Variants in WDR49 observed in about 807,000 individuals in gnomAD.
WDR49 encodes the protein cilia- and flagella-associated protein 337.
A neutral mutation model predicts 119.5 loss-of-function variants in WDR49; 107 were observed. The ratio of observed to expected loss-of-function variants is 0.90; its 90% CI spans 0.77 to 1.05. WDR49 has a LOEUF of 1.05. WDR49 is among the 50% of genes least tolerant of loss of function. The probability of loss-of-function intolerance (pLI) is 0.00; values close to 1 mark genes in which losing one functional copy is unlikely to be tolerated. For synonymous variants in WDR49, 425 were observed against 418.8 expected (o/e 1.01, Z -0.18); for missense variants, 1,240 against 1,220.5 (o/e 1.02, Z -0.24).
chr3:167,656,408 A>G (rs1345230124), upstream of WDR49, among the ~76,000 whole-genome samples: 3 of 152,240 alleles, frequency 2.0e-5, no homozygotes, highest in African/African-American at 4.8e-5. Context: ...TTAGTTCAGT[A>G]GCAGACACTA....
At chr3:167,504,154 C>A (rs1335994281) in intron 17 of WDR49, among the ~76,000 whole-genome samples, 2 of 152,100 alleles carry the variant, frequency 1.3e-5, no homozygotes, top group Non-Finnish European at 2.9e-5. Flanking sequence ...TGGGGCACTG[C>A]CTAGTGGAGC....
chr3:167,596,979 A>T (rs889586463), intron 7 of WDR49, among the ~76,000 whole-genome samples: 2 of 151,120 alleles, frequency 1.3e-5, no homozygotes, highest in African/African-American at 4.8e-5. Context: ...AGAAAAACCC[A>T]TTTTTTAGGG....
rs147706386 is a variant in WDR49 at position 167,505,139 on chromosome 3, T to G, written c.2884+168A>C. On this transcript the variant is annotated intron_variant, in intron 17 of 18. Coordinates refer to ENST00000682715, the MANE Select transcript of WDR49 (RefSeq NM_001366157.1). ...TCTGTGGAGCCTTGGACAGGTGACT[T>G]AATGTCCTGTACCTCACTTTTCTCC... Among the ~76,000 whole-genome samples the G allele has an allele frequency of 8.5e-4, 130 of 152,354 alleles. 1 individual carries two copies. The highest frequency in any genetic ancestry group is 3.0e-3 in the African/African-American group (125 of 41,580).
At chr3:167,539,358 A>G (rs918179313) in intron 10 of WDR49, among the ~76,000 whole-genome samples, 1 of 151,926 alleles carries the variant, frequency 6.6e-6, no homozygotes, top group African/African-American at 2.4e-5. Context: ...GTTTTCATTC[A>G]TGGTATACTT....
chr3:167,599,451 C>T lies in WDR49; in HGVS notation c.1275+2676G>A, dbSNP rs577882866. ...CTCTTCAGTCAGCTTGTGGTGAAGT[C>T]GGCCAAGCCTGAGACTCACCCTTCA... On this transcript the variant is annotated intron_variant, in intron 7 of 18. Transcript: ENST00000682715. Among the ~76,000 whole-genome samples the T allele has an allele frequency of 5.3e-4, 80 of 152,216 alleles. 1 individual carries two copies. Among genetic ancestry groups the T allele is most frequent in the African/African-American group, 1.9e-3 (78 of 41,532 alleles).
At chr3:167,604,118 A>C (rs1243958924) in intron 6 of WDR49, among the ~76,000 whole-genome samples, 183 bp downstream of exon 6, 2 of 152,160 alleles carry the variant, frequency 1.3e-5, no homozygotes, top group Non-Finnish European at 2.9e-5. Flanking sequence ...ACCTCAATGT[A>C]GTTCATACAC....
intron 7 of WDR49, among the ~76,000 whole-genome samples, chr3:167,600,321 G>A (rs1350136810): frequency 3.3e-5 from 5 of 152,096 alleles, no homozygotes; most frequent in South Asian, 4.2e-4. Context: ...CAGGCACTAC[G>A]ACTCACCTAG....
At chr3:167,607,274 C>T (rs1654042941) in intron 5 of WDR49, among the ~76,000 whole-genome samples, 1 of 152,134 alleles carries the variant, frequency 6.6e-6, no homozygotes, top group Admixed American at 6.5e-5. Flanking sequence ...AAAGAATAAG[C>T]AGGAGAGACA....
intron 10 of WDR49, among the ~76,000 whole-genome samples, chr3:167,538,992 A>G (rs1405862743): frequency 6.6e-6 from 1 of 152,104 alleles, no homozygotes; most frequent in Non-Finnish European, 1.5e-5. Flanking sequence ...TTTCAGAATT[A>G]TTTCCCTCTA....
intron 5 of WDR49, among the ~76,000 whole-genome samples, chr3:167,609,851 G>T (rs1420914813): frequency 1.3e-5 from 2 of 152,156 alleles, no homozygotes; most frequent in African/African-American, 4.8e-5. Flanking sequence ...TAGGATACCA[G>T]CTCAGCCACA....
intron 12 of WDR49, among the ~76,000 whole-genome samples, chr3:167,531,679 A>G (rs1013521912): frequency 2.0e-5 from 3 of 152,136 alleles, no homozygotes; most frequent in African/African-American, 7.2e-5. Context: ...AAGACTATTT[A>G]TGTTTAATTA....
At chr3:167,480,236 G>A (rs1329608924) in intron 18 of WDR49, among the ~76,000 whole-genome samples, 2 of 107,796 alleles carry the variant, frequency 1.9e-5, no homozygotes, top group Admixed American at 1.2e-4. Context: ...GCAACAGAGA[G>A]AGACTCTGTC....
At chr3:167,499,210 G>A (rs1751469267) in intron 18 of WDR49, among the ~76,000 whole-genome samples, 1 of 152,168 alleles carries the variant, frequency 6.6e-6, no homozygotes, top group African/African-American at 2.4e-5. Flanking sequence ...ATGTTGACCA[G>A]CTGTTCTCCC....
At chr3:167,532,855 T>C (rs1232321546) in intron 12 of WDR49, 24 bp downstream of exon 12, 3 of 1,576,670 alleles carry the variant, frequency 1.9e-6, no homozygotes, top group South Asian at 1.1e-5. Flanking sequence ...AGCCATGTTA[T>C]TTTCGTTTCA....
chr3:167,604,328 C>T lies in WDR49; in HGVS notation c.1099G>A (p.Asp367Asn). 6.2e-7 allele frequency: 1 copy of T among 1,613,660 alleles called. No individual in the cohort carries two copies. Among genetic ancestry groups the T allele is most frequent in the East Asian group, 2.2e-5 (1 of 44,834 alleles). ...ATTAAATTGAGCCGAGAGTGATAAT[C>T]AAAAGCATGAATGCCCTGGGCAATG... ...FNIAQGIHAF[D>N]YHSRLNLIAT... The change falls in exon 6 of 19, where the codon GAT (aspartate) becomes AAT (asparagine). Residue 367 changes from aspartate (D) to asparagine (N), a missense_variant. Physicochemically the swap from Asp to Asn is conservative, Grantham distance 23. Transcript: ENST00000682715.
chr3:167,495,564 AG>A (rs1751322527), intron 18 of WDR49, among the ~76,000 whole-genome samples: 1 of 111,740 alleles, frequency 8.9e-6, no homozygotes, highest in African/African-American at 4.5e-5. Context: ...ATAATTAAAC[AG>A]TCTAACATAT....
rs576688977 is a variant in WDR49 at position 167,597,095 on chromosome 3, C to A, written c.1275+5032G>T. Among the ~76,000 whole-genome samples, 5 of 152,280 alleles carry A rather than the reference C, an allele frequency of 3.3e-5. No homozygotes were observed. In the South Asian group the frequency reaches 6.2e-4, roughly 19 times the overall value. On this transcript the variant is annotated intron_variant, in intron 7 of 18. Coordinates refer to ENST00000682715, the MANE Select transcript of WDR49 (RefSeq NM_001366157.1). ...TCCAGGGCATTTTGGAGATCTTCGT[C>A]ACAGGCCCAAAGGCCTAGGTGGGAA...
intron 2 of WDR49, among the ~76,000 whole-genome samples, chr3:167,652,094 T>C (rs1344619532): frequency 6.6e-6 from 1 of 152,216 alleles, no homozygotes; most frequent in African/African-American, 2.4e-5. Context: ...GCACTGGGCA[T>C]GAGCAGCAGC....
At chr3:167,543,850 G>C (rs1711994877) in intron 10 of WDR49, among the ~76,000 whole-genome samples, 1 of 151,902 alleles carries the variant, frequency 6.6e-6, no homozygotes. Flanking sequence ...AAGTCAAACT[G>C]TTGCTGTTTC....
Sources: allele counts gnomAD v4.1 joint callset (sites outside exome capture counted in the v4.1 genomes callset), GRCh38; gene constraint gnomAD v4.1.1; transcripts MANE v1.5; gene names NCBI Gene and HGNC (gene_info 2026-07-23, HGNC 2026-07-21).